The following TMEM207 variants were observed in gnomAD, a reference collection of about 807,000 sequenced individuals.
The protein encoded by TMEM207 is SRSR846.
Under a neutral mutation model 17.4 loss-of-function variants are expected in TMEM207, and 15 were observed. That is an observed-to-expected ratio of 0.86 (90% CI 0.58 to 1.33). TMEM207 has a LOEUF of 1.33. TMEM207 is among the 40% of genes most tolerant of loss of function. The probability of loss-of-function intolerance (pLI) is 0.00; values close to 1 mark genes in which losing one functional copy is unlikely to be tolerated. For missense variants in TMEM207, 205 were observed against 173.8 expected, an observed-to-expected ratio of 1.18 and a Z score of -1.01; for synonymous variants, 70 against 65.6, an observed-to-expected ratio of 1.07 and a Z score of -0.33.
intron 2 of TMEM207, among the ~76,000 whole-genome samples, chr3:190,444,849 T>A (rs1222679153): frequency 6.6e-6 from 1 of 152,158 alleles, no homozygotes; most frequent in Non-Finnish European, 1.5e-5. Flanking sequence ...AGTAACAAAT[T>A]GCATGAATTT....
chr3:190,437,300 A>G (rs1461691973), intron 4 of TMEM207, among the ~76,000 whole-genome samples: 1 of 152,214 alleles, frequency 6.6e-6, no homozygotes, highest in African/African-American at 2.4e-5. Flanking sequence ...TGACCAGCCC[A>G]TATTTTCACT....
chr3:190,439,045 C>T (rs542155125), intron 4 of TMEM207, among the ~76,000 whole-genome samples: 7 of 151,842 alleles, frequency 4.6e-5, no homozygotes, highest in South Asian at 4.2e-4. Flanking sequence ...GGCGTGGTGG[C>T]GGGCGCCTGT....
chr3:190,437,390 T>C (rs1244837554), intron 4 of TMEM207, among the ~76,000 whole-genome samples: 1 of 152,180 alleles, frequency 6.6e-6, no homozygotes, highest in South Asian at 2.1e-4. Flanking sequence ...ATGTGTCCCT[T>C]TGAGAGTGAG....
intron 4 of TMEM207, among the ~76,000 whole-genome samples, chr3:190,437,553 A>G (rs954296619): frequency 2.0e-5 from 3 of 152,196 alleles, no homozygotes; most frequent in African/African-American, 7.2e-5. Flanking sequence ...ATGAGATACC[A>G]TCTCACACCA....
chr3:190,448,004 G>A (rs988855734), intron 1 of TMEM207, among the ~76,000 whole-genome samples, 177 bp from the exon 2 acceptor site: 1 of 152,134 alleles, frequency 6.6e-6, no homozygotes, highest in Admixed American at 6.5e-5. Context: ...ATCTCTGGGT[G>A]GATTCTTAAG....
chr3:190,443,003 A>G (rs1034848850), intron 2 of TMEM207, among the ~76,000 whole-genome samples: 1 of 152,194 alleles, frequency 6.6e-6, no homozygotes, highest in African/African-American at 2.4e-5. Flanking sequence ...ATATTGTTTG[A>G]ATTATTGTAA....
intron 4 of TMEM207, among the ~76,000 whole-genome samples, chr3:190,437,952 C>CA (rs1423295037): frequency 6.6e-6 from 1 of 151,752 alleles, no homozygotes; most frequent in African/African-American, 2.4e-5. Context: ...CTTGTAGGGA[C>CA]ATGGATGAAA....
intron 4 of TMEM207, among the ~76,000 whole-genome samples, chr3:190,438,289 G>T (rs186624134): frequency 1.9e-3 from 277 of 145,130 alleles, no homozygotes; most frequent in Non-Finnish European, 2.6e-3. Context: ...AGGTTGTTTG[G>T]TTTTTTTTTC....
chr3:190,448,366 C>T (rs1720095193), intron 1 of TMEM207, among the ~76,000 whole-genome samples: 2 of 152,060 alleles, frequency 1.3e-5, no homozygotes, highest in African/African-American at 2.4e-5. Flanking sequence ...TTGAGATTTA[C>T]AGTCTTCTCT....
intron 4 of TMEM207, among the ~76,000 whole-genome samples, chr3:190,434,333 C>T (rs1257176897): frequency 1.3e-5 from 2 of 152,110 alleles, no homozygotes; most frequent in East Asian, 1.9e-4. Context: ...GGGGTGGTTT[C>T]CTCCATATTG....
Position 190,448,548 on chromosome 3 carries a change from T to A in TMEM207, c.76-721A>T, listed in dbSNP as rs575065619. On this transcript the variant is annotated intron_variant, in intron 1 of 4. Transcript: ENST00000354905. ...GCACTTCTTTCTAAAGATCTTATTA[T>A]CTATTTGCTTGCTTGACCCTTTGAA... 1.3e-4 allele frequency among the ~76,000 whole-genome samples: 20 copies of A among 152,320 alleles called. 1 individual carries two copies. Among genetic ancestry groups the A allele is most frequent in the African/African-American group, 4.8e-4 (20 of 41,582 alleles).
At chr3:190,434,931 A>G (rs1719768536) in intron 4 of TMEM207, among the ~76,000 whole-genome samples, 1 of 152,190 alleles carries the variant, frequency 6.6e-6, no homozygotes, top group African/African-American at 2.4e-5. Flanking sequence ...AAGAATTTAG[A>G]ATCTGTATAA....
chr3:190,441,287 C>T (rs2108536557), intron 3 of TMEM207, 151 bp downstream of exon 3: 3 of 612,162 alleles, frequency 4.9e-6, no homozygotes, highest in South Asian at 4.4e-5. Flanking sequence ...AAACATTGGC[C>T]AACGATCTGA....
At chr3:190,441,001 G>T (rs1719923402) in intron 3 of TMEM207, among the ~76,000 whole-genome samples, 1 of 152,106 alleles carries the variant, frequency 6.6e-6, no homozygotes, top group Admixed American at 6.5e-5. Flanking sequence ...CCCGGGAGGC[G>T]GAGCTTGCAT....
intron 2 of TMEM207, among the ~76,000 whole-genome samples, chr3:190,443,075 T>G (rs1719967528): frequency 1.3e-5 from 2 of 151,978 alleles, no homozygotes; most frequent in South Asian, 4.1e-4. Context: ...AATTAAAACC[T>G]TAAAAATATA....
chr3:190,441,185 A>G (rs1278652320), intron 3 of TMEM207, among the ~76,000 whole-genome samples: 1 of 152,214 alleles, frequency 6.6e-6, no homozygotes, highest in Non-Finnish European at 1.5e-5. Flanking sequence ...TTCAAGACAA[A>G]TAACAATTAT....
chr3:190,446,129 C>T (rs1577448737), intron 2 of TMEM207, among the ~76,000 whole-genome samples: 1 of 152,196 alleles, frequency 6.6e-6, no homozygotes, highest in African/African-American at 2.4e-5. Flanking sequence ...CGGTCCTTTT[C>T]ACTGTAATCT....
Position 190,449,791 on chromosome 3 carries a change from A to G in TMEM207, c.19T>C (p.Phe7Leu), listed in dbSNP as rs1272703718. 1.9e-6 allele frequency: 3 copies of G among 1,613,828 alleles called. No homozygotes were observed. Among genetic ancestry groups the G allele is most frequent in the African/African-American group, 2.7e-5 (2 of 75,002 alleles). MSRSRLFSVTSAISTIG... is the reference protein window; with the variant it reads MSRSRLLSVTSAISTIG... The stretch of plus-strand genomic sequence containing the variant: ...GTTGAGATCGCTGAGGTGACACTGA[A>G]AAGTCTGGATCTTGACATATTTAAA... The change falls in exon 1 of 5, where the codon TTC (phenylalanine) becomes CTC (leucine). Residue 7 changes from phenylalanine (F) to leucine (L), a missense_variant. Transcript: ENST00000354905.
chr3:190,439,047 G>A (rs1381298488), intron 4 of TMEM207, among the ~76,000 whole-genome samples: 2 of 151,806 alleles, frequency 1.3e-5, no homozygotes, highest in Admixed American at 1.3e-4. Flanking sequence ...CGTGGTGGCG[G>A]GCGCCTGTAG....
Sources: allele counts gnomAD v4.1 joint callset (sites outside exome capture counted in the v4.1 genomes callset), GRCh38; gene constraint gnomAD v4.1.1; transcripts MANE v1.5; gene names NCBI Gene and HGNC (gene_info 2026-07-23, HGNC 2026-07-21).